The following SHANK1 variants were observed in gnomAD, a reference collection of about 807,000 sequenced individuals.
SHANK1 encodes SH3 and multiple ankyrin repeat domains 1.
Under a neutral mutation model 165.6 loss-of-function variants are expected in SHANK1, and 35 were observed. That is an observed-to-expected ratio of 0.21 (90% CI 0.16 to 0.28). The LOEUF (loss-of-function observed/expected upper bound fraction) is 0.28, where lower values mean the gene tolerates loss of function less well. Among genes scored for constraint, SHANK1 ranks in the 10% least tolerant of loss-of-function variants. The pLI, the probability that SHANK1 is intolerant of heterozygous loss-of-function variation, is 1.00. For missense variants in SHANK1, 2,681 were observed against 3,036.4 expected (o/e 0.88, Z 2.75); for synonymous variants, 1,428 against 1,384.8 (o/e 1.03, Z -0.69).
intron 8 of SHANK1, chr19:50,711,142 C>A: frequency 1.9e-6 from 1 of 537,854 alleles, no homozygotes; most frequent in East Asian, 3.2e-5. Flanking sequence ...CCCCAGCACC[C>A]AGCTCCAGGC....
At position 50,686,624 on chromosome 19, in the gene SHANK1, A is replaced by G; in HGVS notation, c.2458+120T>C. 1.1e-6 allele frequency: 1 copy of G among 941,520 alleles called. No individual in the cohort carries two copies. Among genetic ancestry groups the G allele is most frequent in the Non-Finnish European group, 1.6e-6 (1 of 621,380 alleles). 58.3% of individuals were successfully genotyped at this position (941,520 alleles called of 1,614,324 possible). A position where few individuals can be genotyped will look rare whatever the true frequency, so the allele number is the denominator to read the frequency against. On this transcript the variant is annotated intron_variant, in intron 20 of 23. Transcript: ENST00000293441. This position sits in a 1 kb window ranked among gnomAD's most constrained non-coding sequence, Gnocchi z 5.7. ...GGCGGGCGGAGGGAGGGGAGGTGGG[A>G]TCGCAGCCTCTCTGGGGCAGGAAGG...
Position 50,668,696 on chromosome 19 carries a change from G to A in SHANK1, c.3264C>T (p.Pro1088=). 7.7e-7 allele frequency: 1 copy of A among 1,303,548 alleles called. No individual in the cohort carries two copies. The highest frequency in any genetic ancestry group is 9.7e-7 in the Non-Finnish European group (1 of 1,032,376). The allele number at this position is 1,303,548 out of a possible 1,614,324, so 80.7% of individuals were successfully genotyped here. A position where few individuals can be genotyped will look rare whatever the true frequency, so the allele number is the denominator to read the frequency against. The change falls in exon 23 of 24, where the codon CCC becomes CCT. Residue 1088 remains proline (P), a synonymous_variant. Coordinates refer to ENST00000293441, the MANE Select transcript of SHANK1 (RefSeq NM_016148.5). ...QGPALRYFQL[P]PRAASAAMYV... Reference sequence around the variant, plus strand: ...ACATGGCTGCGCTGGCCGCCCGCGGGGGCAGCTGGAAATAGCGTAGAGCCG... The same window carrying A: ...ACATGGCTGCGCTGGCCGCCCGCGGAGGCAGCTGGAAATAGCGTAGAGCCG...
intron 21 of SHANK1, among the ~76,000 whole-genome samples, chr19:50,674,211 C>G (rs773181291): frequency 6.6e-6 from 1 of 151,914 alleles, no homozygotes; most frequent in Non-Finnish European, 1.5e-5. Context: ...ACTGAGTCCC[C>G]GGTCCCCGCA....
intron 19 of SHANK1, chr19:50,687,074 A>G: frequency 7.1e-7 from 1 of 1,415,440 alleles, no homozygotes; most frequent in South Asian, 1.7e-5. Flanking sequence ...AGGAGCCAAG[A>G]GTTAGGACGT....
intron 12 of SHANK1, among the ~76,000 whole-genome samples, chr19:50,698,502 C>T (rs553184678): frequency 2.8e-4 from 43 of 152,262 alleles, no homozygotes; most frequent in African/African-American, 9.1e-4. Flanking sequence ...CTAATGGAAG[C>T]GGCTTCCCCC....
rs760556266 is a variant in SHANK1 at position 50,667,432 on chromosome 19, G to C, written c.4528C>G (p.Pro1510Ala). Residue 1510 changes from proline to alanine, a missense_variant, in exon 23 of 24, where the codon CCC becomes GCC. Pro to Ala is a conservative substitution (Grantham distance 27). Coordinates refer to ENST00000293441, the MANE Select transcript of SHANK1 (RefSeq NM_016148.5). This position sits in a 1 kb window ranked among gnomAD's most constrained non-coding sequence, Gnocchi z 5.7. ...PRAPVTSGRG[P>A]PSEDGPGVPP... ...ACCCCCGGCCCGTCCTCCGAGGGGG[G>C]ACCCCTTCCGCTCGTCACAGGGGCC... 1 of 1,523,580 alleles carries C rather than the reference G, an allele frequency of 6.6e-7. No homozygotes were observed. Among genetic ancestry groups the C allele is most frequent in the South Asian group, 1.2e-5 (1 of 81,612 alleles). The allele number at this position is 1,523,580 out of a possible 1,614,324, so 94.4% of individuals were successfully genotyped here.
At position 50,669,093 on chromosome 19, in the gene SHANK1, G is replaced by A. The variant is rs1243248956; in HGVS notation, c.2867C>T (p.Pro956Leu). The change falls in exon 23 of 24, where the codon CCT becomes CTT. Residue 956 changes from proline (P) to leucine (L), a missense_variant. Pro to Leu is a moderately conservative substitution (Grantham distance 98). Around this residue, in one of 10 missense-constraint regions of SHANK1, gnomAD observed 1,713 missense variants for 1,630.2 expected, o/e 1.05. Transcript: ENST00000293441. ...TPSPRGGPFN[P>L]GSGGPLPASS... The stretch of plus-strand genomic sequence containing the variant: ...GGCGGGGAGGGGGCCACCAGAGCCA[G>A]GGTTGAAGGGCCCTCCCCGAGGGGA... 7.1e-7 allele frequency: 1 copy of A among 1,418,110 alleles called. No individual in the cohort carries two copies. Among genetic ancestry groups the A allele is most frequent in the Admixed American group, 2.5e-5 (1 of 39,882 alleles). The allele number at this position is 1,418,110 out of a possible 1,614,324, so 87.8% of individuals were successfully genotyped here.
At chr19:50,696,713 C>T (rs149701199) in intron 15 of SHANK1, among the ~76,000 whole-genome samples, 71 of 152,166 alleles carry the variant, frequency 4.7e-4, no homozygotes, top group African/African-American at 1.6e-3. Context: ...TGTGCGAGTA[C>T]ACACGCACAG....
intron 21 of SHANK1, among the ~76,000 whole-genome samples, chr19:50,673,668 C>T (rs1392220891): frequency 6.6e-6 from 1 of 152,100 alleles, no homozygotes; most frequent in East Asian, 1.9e-4. Flanking sequence ...TCCCAGGCAT[C>T]GCACCTACAG....
At position 50,668,598 on chromosome 19, in the gene SHANK1, TG is replaced by T; in HGVS notation, c.3361del (p.Gln1121ArgfsTer222). On this transcript the variant is annotated frameshift_variant, in exon 23 of 24. Coordinates refer to ENST00000293441, the MANE Select transcript of SHANK1 (RefSeq NM_016148.5). LOFTEE classifies it high-confidence loss of function. ...VKQTKVEGEP[Q>X]KGGGLPPAPS... Reference sequence around the variant, plus strand: ...CGCGGGCGGGAGGCCGCCGCCCTTCTGGGGCTCGCCTTCCACCTTGGTCTGC... The same window carrying T: ...CGCGGGCGGGAGGCCGCCGCCCTTCTGGGCTCGCCTTCCACCTTGGTCTGC... 2 of 1,364,570 alleles carry T rather than the reference TG, an allele frequency of 1.5e-6. No individual in the cohort carries two copies. The highest frequency in any genetic ancestry group is 1.8e-5 in the South Asian group (1 of 55,858). The allele number at this position is 1,364,570 out of a possible 1,614,324, so 84.5% of individuals were successfully genotyped here. A position where few individuals can be genotyped will look rare whatever the true frequency, so the allele number is the denominator to read the frequency against.
intron 23 of SHANK1, among the ~76,000 whole-genome samples, chr19:50,663,762 GAAA>G (rs66511954): frequency 1.4e-5 from 2 of 147,774 alleles, no homozygotes; most frequent in African/African-American, 5.0e-5. Context: ...AAAAAGAAAA[GAAA>G]AAAAAAATCC....
rs574089146 is a variant in SHANK1 at position 50,666,660 on chromosome 19, C to T, written c.5300G>A (p.Gly1767Asp). 6.3e-7 allele frequency: 1 copy of T among 1,589,290 alleles called. No homozygotes were observed. The highest frequency in any genetic ancestry group is 1.3e-5 in the African/African-American group (1 of 74,082). ...LRGRALGASG[G>D]LRPGPSGGLR... ...TCCCCCGCTGGGGCCAGGCCGCAGG[C>T]CTCCGCTGGCTCCTAGCGCCCGGCC... Residue 1767 changes from glycine (G) to aspartate (D), a missense_variant, in exon 23 of 24, where the codon GGC (glycine) becomes GAC (aspartate). By Grantham distance (94) the Gly-to-Asp change is moderately conservative (BLOSUM62 -1). This residue lies in a region of SHANK1 where 1,713 missense variants were observed against 1,630.2 expected (regional missense o/e 1.05). Coordinates refer to ENST00000293441, the MANE Select transcript of SHANK1 (RefSeq NM_016148.5).
chr19:50,705,852 G>A (rs929832420), intron 8 of SHANK1, among the ~76,000 whole-genome samples: 2 of 152,114 alleles, frequency 1.3e-5, no homozygotes, highest in African/African-American at 4.8e-5. Flanking sequence ...AGGAAACTAA[G>A]GCTTTCAAAA....
Position 50,719,529 on chromosome 19 carries a change from G to A in SHANK1, c.-167C>T, listed in dbSNP as rs1279163978. On this transcript the variant is annotated 5_prime_UTR_variant, in exon 1 of 24. Coordinates refer to ENST00000293441, the MANE Select transcript of SHANK1 (RefSeq NM_016148.5). ...TGCCCCACCGCCCCGGAGGGCGAGCGGGCCCGGGGAGGGGGCGGGCGGGGA... is the reference window on the plus strand; with the variant it reads ...TGCCCCACCGCCCCGGAGGGCGAGCAGGCCCGGGGAGGGGGCGGGCGGGGA... 7.8e-6 allele frequency: 1 copy of A among 128,668 alleles called. No individual in the cohort carries two copies. The highest frequency in any genetic ancestry group is 1.6e-5 in the Non-Finnish European group (1 of 60,928). 8.0% of individuals were successfully genotyped at this position (128,668 alleles called of 1,614,324 possible).
intron 8 of SHANK1, among the ~76,000 whole-genome samples, chr19:50,710,158 G>A (rs111709484): frequency 0.012 from 1,885 of 152,296 alleles, 36 homozygotes; most frequent in African/African-American, 0.041. Flanking sequence ...TCAGAGGATT[G>A]GTTGTGAGGC....
chr19:50,677,862 A>G (rs1431232758), intron 21 of SHANK1, among the ~76,000 whole-genome samples: 5 of 152,140 alleles, frequency 3.3e-5, no homozygotes, highest in African/African-American at 1.2e-4. Flanking sequence ...CAGCCTGCTC[A>G]ATCCTTCTCC....
At position 50,686,096 on chromosome 19, in the gene SHANK1, G is replaced by T; in HGVS notation, c.2577+141C>A. 1 of 438,846 alleles carries T rather than the reference G, an allele frequency of 2.3e-6. No homozygotes were observed. The allele number at this position is 438,846 out of a possible 1,614,324, so 27.2% of individuals were successfully genotyped here. On this transcript the variant is annotated intron_variant, in intron 21 of 23. Transcript: ENST00000293441. The surrounding 1 kb of genome is among the most constrained non-coding windows in gnomAD (Gnocchi z 5.7). ...GGTCTCCAAAGTTGGGAGAAAGGAGGAAACCCTAGGATGTGTGTCGCCCCT... is the reference window on the plus strand; with the variant it reads ...GGTCTCCAAAGTTGGGAGAAAGGAGTAAACCCTAGGATGTGTGTCGCCCCT...
chr19:50,665,737 T>TAAAAAAAAAAAAAAAAAAAAAA (rs71182756), intron 23 of SHANK1, among the ~76,000 whole-genome samples: 7 of 98,178 alleles, frequency 7.1e-5, no homozygotes, highest in African/African-American at 1.9e-4. Flanking sequence ...ACCCTGTTTC[T>TAAAAAAAAAAAAAAAAAAAAAA]AAAAAAAAAA....
Position 50,697,981 on chromosome 19 carries a change from G to A in SHANK1, c.1748-25C>T. The A allele has an allele frequency of 6.6e-7, 1 of 1,521,736 alleles. No homozygotes were observed. The highest frequency in any genetic ancestry group is 9.1e-7 in the Non-Finnish European group (1 of 1,099,474). 94.3% of individuals were successfully genotyped at this position (1,521,736 alleles called of 1,614,324 possible). On this transcript the variant is annotated intron_variant, in intron 12 of 23. Coordinates refer to ENST00000293441, the MANE Select transcript of SHANK1 (RefSeq NM_016148.5). This position sits in a 1 kb window ranked among gnomAD's most constrained non-coding sequence, Gnocchi z 4.7. ...ACTGGATGGGGAACGGGGACATAGAGACATTTCTGTGTTTCTGTGCTGCCC... is the reference window on the plus strand; with the variant it reads ...ACTGGATGGGGAACGGGGACATAGAAACATTTCTGTGTTTCTGTGCTGCCC...
Sources: allele counts gnomAD v4.1 joint callset (sites outside exome capture counted in the v4.1 genomes callset), GRCh38; gene constraint gnomAD v4.1.1; regional missense constraint gnomAD v4.1.1; non-coding constraint Gnocchi (gnomAD v3.1); transcripts MANE v1.5; gene names NCBI Gene and HGNC (gene_info 2026-07-23, HGNC 2026-07-21).